Variants in DUS2 observed in about 807,000 individuals in gnomAD.
The protein encoded by DUS2 is tRNA-dihydrouridine(20) synthase [NAD(P)+]-like.
A neutral mutation model predicts 71.3 loss-of-function variants in DUS2; 52 were observed. The observed-to-expected ratio is 0.73, with a 90% CI of 0.58 to 0.92. The LOEUF (loss-of-function observed/expected upper bound fraction) is 0.92, where lower values mean the gene tolerates loss of function less well. Ranked by LOEUF, DUS2 falls within the 40% of genes least tolerant of loss-of-function variation. The pLI is 0.00. For missense variants in DUS2, 558 were observed against 622.6 expected (o/e 0.90, Z 1.10); for synonymous variants, 204 against 227.8 (o/e 0.90, Z 0.94).
At chr16:68,075,216 C>G in intron 13 of DUS2, 139 bp from the exon 14 acceptor site, 4 of 749,940 alleles carry the variant, frequency 5.3e-6, no homozygotes, top group Non-Finnish European at 7.9e-6. Flanking sequence ...GCAGGGGGCA[C>G]ATTCTGATGG....
chr16:68,028,425 G>A (rs1395945748), intron 2 of DUS2, among the ~76,000 whole-genome samples: 1 of 152,056 alleles, frequency 6.6e-6, no homozygotes, highest in Non-Finnish European at 1.5e-5. Flanking sequence ...CACGAAGTCA[G>A]GAGTTTGAGA....
intron 7 of DUS2, 150 bp from the exon 8 acceptor site, chr16:68,060,916 C>T: frequency 1.5e-6 from 1 of 678,938 alleles, no homozygotes; most frequent in Non-Finnish European, 2.7e-6. Flanking sequence ...TGCTGCCCTC[C>T]TACTTGTTTA....
intron 4 of DUS2, among the ~76,000 whole-genome samples, chr16:68,051,291 G>A (rs1357980756): frequency 6.6e-6 from 1 of 152,166 alleles, no homozygotes; most frequent in African/African-American, 2.4e-5. Flanking sequence ...CTGAACCATT[G>A]ACCCTGGGGT....
At chr16:68,072,951 G>A (rs1288916610) in intron 12 of DUS2, among the ~76,000 whole-genome samples, 1 of 152,232 alleles carries the variant, frequency 6.6e-6, no homozygotes, top group East Asian at 1.9e-4. Context: ...ACCCACGTAG[G>A]GGGAAGTTAG....
chr16:68,026,051 T>G (rs1012070313), intron 2 of DUS2, among the ~76,000 whole-genome samples: 1 of 152,186 alleles, frequency 6.6e-6, no homozygotes, highest in Admixed American at 6.6e-5. Flanking sequence ...ACTTCAGTGG[T>G]GCCATCTCGA....
At chr16:68,063,517 TAAA>T (rs1202406851) in intron 8 of DUS2, among the ~76,000 whole-genome samples, 16 of 152,314 alleles carry the variant, frequency 1.1e-4, no homozygotes, top group Admixed American at 6.5e-4. Flanking sequence ...ATTATACACT[TAAA>T]AATGTTTAAG....
At chr16:68,069,619 C>T (rs1288393188) in intron 10 of DUS2, among the ~76,000 whole-genome samples, 1 of 152,178 alleles carries the variant, frequency 6.6e-6, no homozygotes, top group African/African-American at 2.4e-5. Context: ...ATGGTCCGTG[C>T]CTTTCCTGGG....
chr16:68,048,108 A>G (rs1360080285), intron 3 of DUS2, among the ~76,000 whole-genome samples: 1 of 152,174 alleles, frequency 6.6e-6, no homozygotes, highest in Non-Finnish European at 1.5e-5. Flanking sequence ...TTGTTTGCTT[A>G]GTGACTATTC....
chr16:68,070,422 G>A (rs1384252826), intron 11 of DUS2, among the ~76,000 whole-genome samples: 1 of 152,212 alleles, frequency 6.6e-6, no homozygotes, highest in African/African-American at 2.4e-5. Context: ...TGAGGCTGCC[G>A]ACTGACTCCT....
intron 4 of DUS2, among the ~76,000 whole-genome samples, chr16:68,050,100 A>G (rs2033757483): frequency 6.6e-6 from 1 of 151,908 alleles, no homozygotes. Context: ...GAGTTGTGGT[A>G]TATTCCTTGA....
At chr16:68,075,098 G>A (rs951789782) in intron 13 of DUS2, among the ~76,000 whole-genome samples, 3 of 152,188 alleles carry the variant, frequency 2.0e-5, no homozygotes, top group Non-Finnish European at 4.4e-5. Flanking sequence ...TGCAGGTGGT[G>A]GGGGTGACCT....
At chr16:68,076,361 G>A (rs1424806107) in intron 14 of DUS2, among the ~76,000 whole-genome samples, 1 of 152,124 alleles carries the variant, frequency 6.6e-6, no homozygotes, top group Non-Finnish European at 1.5e-5. Context: ...TTCCAGTCTG[G>A]ACCTCAGAGT....
chr16:68,052,902 CA>C (rs1172177676), intron 4 of DUS2, among the ~76,000 whole-genome samples: 1 of 151,730 alleles, frequency 6.6e-6, no homozygotes, highest in Non-Finnish European at 1.5e-5. Context: ...CTTGGCCTTC[CA>C]AAGTCCTAGG....
At chr16:68,078,712 A>C in intron 16 of DUS2, 37 bp from the exon 17 acceptor site, 1 of 1,579,366 alleles carries the variant, frequency 6.3e-7, no homozygotes, top group Non-Finnish European at 8.6e-7. Context: ...ATAGCCCTGC[A>C]CCCTGCCCCT....
At chr16:68,053,049 G>A (rs1249587394) in intron 4 of DUS2, among the ~76,000 whole-genome samples, 2 of 150,056 alleles carry the variant, frequency 1.3e-5, no homozygotes, top group African/African-American at 4.9e-5. Flanking sequence ...TGCAACCTCC[G>A]CCTCCCAGAT....
chr16:68,064,006 T>C (rs1341698834), intron 8 of DUS2, among the ~76,000 whole-genome samples: 1 of 152,138 alleles, frequency 6.6e-6, no homozygotes, highest in African/African-American at 2.4e-5. Flanking sequence ...GCGCAGGGCA[T>C]CCCCCTTGTG....
At chr16:68,067,923 G>A (rs1254921703) in intron 10 of DUS2, among the ~76,000 whole-genome samples, 1 of 152,178 alleles carries the variant, frequency 6.6e-6, no homozygotes, top group African/African-American at 2.4e-5. Context: ...GCCCCTCAAA[G>A]TGCTGGGATT....
chr16:68,063,840 C>T (rs536519852), intron 8 of DUS2, among the ~76,000 whole-genome samples: 1 of 152,300 alleles, frequency 6.6e-6, no homozygotes, highest in South Asian at 2.1e-4. Flanking sequence ...TCTCCTGCCT[C>T]AGCCTCTGAA....
At chr16:68,048,629 G>T (rs890081220) in intron 3 of DUS2, among the ~76,000 whole-genome samples, 1 of 152,198 alleles carries the variant, frequency 6.6e-6, no homozygotes, top group African/African-American at 2.4e-5. Flanking sequence ...ATACTATGAG[G>T]ATTCTTTGGC....
Sources: gnomAD v4.1 joint callset for allele counts (sites outside exome capture counted in the v4.1 genomes callset) on GRCh38, gnomAD v4.1.1 for gene constraint, MANE v1.5 for transcripts, NCBI Gene and HGNC (gene_info 2026-07-23, HGNC 2026-07-21) for gene names.